The following GUCA2A variants were observed in gnomAD, a reference collection of about 807,000 sequenced individuals.
GUCA2A encodes the protein guanylin.
GUCA2A carries 17 observed loss-of-function variants against 11.2 expected under a neutral mutation model. The observed-to-expected ratio is 1.52, with a 90% CI of 1.04 to 2.28. GUCA2A has a LOEUF of 2.28. Among genes scored for constraint, GUCA2A ranks in the 30% most tolerant of loss-of-function variants. GUCA2A has a pLI of 0.00. For synonymous variants in GUCA2A, 64 were observed against 57.1 expected (o/e 1.12, Z -0.54); for missense variants, 173 against 139.3 (o/e 1.24, Z -1.22).
chr1:42,163,057 C>T, intron 2 of GUCA2A, 87 bp from the exon 3 acceptor site: 1 of 1,042,550 alleles, frequency 9.6e-7, no homozygotes, highest in South Asian at 1.3e-5. Context: ...TACGTCACCA[C>T]CCAGCCCCAG....
chr1:42,164,569 C>G (rs547258989), intron 1 of GUCA2A, 69 bp downstream of exon 1: 8 of 903,770 alleles, frequency 8.9e-6, no homozygotes, highest in Non-Finnish European at 1.4e-5. Flanking sequence ...GAGGTACTCT[C>G]TCAGGGGACC....
Position 42,163,580 on chromosome 1 carries a change from C to G in GUCA2A, c.106G>C (p.Val36Leu), listed in dbSNP as rs1025010133. ...TCCTGGAGGTCTTTGAGCTTCTTCA[C>G]TGACTCCAGAGAAAAGGAGAAATTT... Reference protein sequence around the residue: ...DGNFSFSLESVKKLKDLQEPQ... With the variant: ...DGNFSFSLESLKKLKDLQEPQ... The change falls in exon 2 of 3, where the codon GTG becomes CTG. Residue 36 changes from valine (V) to leucine (L), a missense_variant. Val to Leu is a conservative substitution (Grantham distance 32). Transcript: ENST00000357001. The G allele has an allele frequency of 3.7e-6, 6 of 1,613,224 alleles. No homozygotes were observed. The highest frequency in any genetic ancestry group is 4.5e-5 in the East Asian group (2 of 44,880).
At chr1:42,163,274 A>T in intron 2 of GUCA2A, 129 bp downstream of exon 2, 1 of 664,816 alleles carries the variant, frequency 1.5e-6, no homozygotes. Flanking sequence ...ATCAGAGCCA[A>T]GCTCCCTAGT....
In GUCA2A at chr1:42,163,521, G is replaced by C. The variant is rs2232221; in HGVS notation, c.165C>G (p.Asn55Lys). The C allele has an allele frequency of 2.5e-6, 4 of 1,613,434 alleles. No homozygotes were observed. The highest frequency in any genetic ancestry group is 2.2e-5 in the East Asian group (1 of 44,866). ...CAGGTTCACCAGGGATGGGTGCAAA[G>C]TTCCTGAGTTTCCCAACCCTGGGCT... ...PQEPRVGKLR[N>K]FAPIPGEPVV... The change falls in exon 2 of 3, where the codon AAC becomes AAG. Residue 55 changes from asparagine to lysine, a missense_variant. Transcript: ENST00000357001.
chr1:42,162,868 C>T lies in GUCA2A; in HGVS notation c.*38G>A, dbSNP rs1646135101. ...CCTTTCTGCAGGAGAAAAGAGCTTC[C>T]CTGCTGCGGAGGGGAGGCAGGCAGT... On this transcript the variant is annotated 3_prime_UTR_variant, in exon 3 of 3. Transcript: ENST00000357001. 6.5e-7 allele frequency: 1 copy of T among 1,545,020 alleles called. No individual in the cohort carries two copies. The highest frequency in any genetic ancestry group is 8.9e-7 in the Non-Finnish European group (1 of 1,117,524).
At position 42,162,926 on chromosome 1, in the gene GUCA2A, C is replaced by T. The variant is rs572205991; in HGVS notation, c.328G>A (p.Ala110Thr). The T allele has an allele frequency of 1.4e-5, 23 of 1,613,528 alleles. No homozygotes were observed. Among genetic ancestry groups the T allele is most frequent in the South Asian group, 7.7e-5 (7 of 91,070 alleles). ...DPGTCEICAY[A>T]ACTGC Reference sequence around the variant, plus strand: ...CCCCCCTAGCATCCGGTACAGGCAGCGTAGGCACAGATTTCACATGTGCCC... The same window carrying T: ...CCCCCCTAGCATCCGGTACAGGCAGTGTAGGCACAGATTTCACATGTGCCC... Residue 110 changes from alanine (A) to threonine (T), a missense_variant, in exon 3 of 3, where the codon GCT becomes ACT. By Grantham distance (58) the Ala-to-Thr change is moderately conservative. Transcript: ENST00000357001.
Position 42,162,972 on chromosome 1 carries a change from T to C in GUCA2A, c.284-2A>G. The C allele has an allele frequency of 1.2e-6, 2 of 1,612,704 alleles. No homozygotes were observed. The highest frequency in any genetic ancestry group is 1.7e-6 in the Non-Finnish European group (2 of 1,178,782). On this transcript the variant is annotated splice_acceptor_variant, in intron 2 of 2. Coordinates refer to ENST00000357001, the MANE Select transcript of GUCA2A (RefSeq NM_033553.3). LOFTEE classifies it high-confidence loss of function. ...TGCCCGGGTCCTCAGCGATTTCCTC[T>C]GCACAACAGAGATGGAGCCTCGTGA...
rs1198932817 is a variant in GUCA2A, at chr1:42,163,503, A to T, written c.183T>A (p.Gly61=). 1 of 1,613,594 alleles carries T rather than the reference A, an allele frequency of 6.2e-7. No homozygotes were observed. The change falls in exon 2 of 3, where the codon GGT becomes GGA. Residue 61 remains glycine, a synonymous_variant. Transcript: ENST00000357001. ...GKLRNFAPIP[G]EPVVPILCSN... ...TACAGAGGATGGGAACCACAGGTTCACCAGGGATGGGTGCAAAGTTCCTGA... is the reference window on the plus strand; with the variant it reads ...TACAGAGGATGGGAACCACAGGTTCTCCAGGGATGGGTGCAAAGTTCCTGA...
At position 42,162,875 on chromosome 1, in the gene GUCA2A, C is replaced by A; in HGVS notation, c.*31G>T. ...GCAGGAGAAAAGAGCTTCCCTGCTG[C>A]GGAGGGGAGGCAGGCAGTGGGCAAG... On this transcript the variant is annotated 3_prime_UTR_variant, in exon 3 of 3. Coordinates refer to ENST00000357001, the MANE Select transcript of GUCA2A (RefSeq NM_033553.3). 5 of 1,572,238 alleles carry A rather than the reference C, an allele frequency of 3.2e-6. 1 individual carries two copies. Among genetic ancestry groups the A allele is most frequent in the East Asian group, 2.2e-5 (1 of 44,696 alleles).
intron 1 of GUCA2A, among the ~76,000 whole-genome samples, 186 bp from the exon 2 acceptor site, chr1:42,163,796 G>A (rs1178053377): frequency 1.3e-5 from 2 of 152,216 alleles, no homozygotes; most frequent in South Asian, 4.1e-4. Context: ...GCTTGGCTCC[G>A]TGATGCTGGA....
chr1:42,164,456 C>T (rs1646143760), intron 1 of GUCA2A, among the ~76,000 whole-genome samples, 182 bp downstream of exon 1: 1 of 152,228 alleles, frequency 6.6e-6, no homozygotes, highest in Admixed American at 6.5e-5. Flanking sequence ...GTTTCTTTCT[C>T]CTCCAAAGTT....
intron 2 of GUCA2A, 79 bp from the exon 3 acceptor site, chr1:42,163,049 C>A: frequency 1.8e-6 from 2 of 1,100,256 alleles, no homozygotes; most frequent in Non-Finnish European, 2.8e-6. Context: ...AGAGCTTGTA[C>A]GTCACCACCC....
Position 42,162,806 on chromosome 1 carries a change from T to C in GUCA2A, c.*100A>G. 1 of 950,524 alleles carries C rather than the reference T, an allele frequency of 1.1e-6. No homozygotes were observed. The highest frequency in any genetic ancestry group is 1.3e-5 in the South Asian group (1 of 74,634). 58.9% of individuals were successfully genotyped at this position (950,524 alleles called of 1,614,324 possible). The stretch of plus-strand genomic sequence containing the variant: ...GCTGCTCCTCCCGACTGGACCAGGG[T>C]AGGTTGAGCTGCTGGGAGTGGAGTA... On this transcript the variant is annotated 3_prime_UTR_variant, in exon 3 of 3. Transcript: ENST00000357001.
chr1:42,164,683 G>C lies in GUCA2A; in HGVS notation c.30C>G (p.Cys10Trp), dbSNP rs140314264. ...CCAAGGCGGCCCAGGCCCCAAGGAG[G>C]CACAGTGCGGAGAGCAGGAAGGCAT... MNAFLLSAL[C>W]LLGAWAALAG... is the part of the protein sequence containing the mutation. Residue 10 changes from cysteine (C) to tryptophan (W), a missense_variant, in exon 1 of 3, where the codon TGC (cysteine) becomes TGG (tryptophan). By Grantham distance (215) the Cys-to-Trp change is radical. Coordinates refer to ENST00000357001, the MANE Select transcript of GUCA2A (RefSeq NM_033553.3). The C allele has an allele frequency of 2.6e-6, 4 of 1,551,524 alleles. No individual in the cohort carries two copies. The highest frequency in any genetic ancestry group is 3.5e-6 in the Non-Finnish European group (4 of 1,146,638).
At position 42,163,466 on chromosome 1, in the gene GUCA2A, A is replaced by G. The variant is rs1217759074; in HGVS notation, c.220T>C (p.Phe74Leu). The G allele has an allele frequency of 6.2e-7, 1 of 1,613,934 alleles. No individual in the cohort carries two copies. The highest frequency in any genetic ancestry group is 1.7e-5 in the Admixed American group (1 of 60,006). The change falls in exon 2 of 3, where the codon TTT becomes CTT. Residue 74 changes from phenylalanine (F) to leucine (L), a missense_variant. Phe to Leu is a conservative substitution (Grantham distance 22, BLOSUM62 0). Coordinates refer to ENST00000357001, the MANE Select transcript of GUCA2A (RefSeq NM_033553.3). ...CAGAGAGGCTTGAGTTCTTCTGGAA[A>G]GTTCGGGTTGCTACAGAGGATGGGA... ...VVPILCSNPNFPEELKPLCKE... is the reference protein window; with the variant it reads ...VVPILCSNPNLPEELKPLCKE...
chr1:42,163,944 G>C (rs1363233712), intron 1 of GUCA2A, among the ~76,000 whole-genome samples: 1 of 152,252 alleles, frequency 6.6e-6, no homozygotes. Context: ...CCAGCACCCA[G>C]GCATCGTAGT....
intron 2 of GUCA2A, 68 bp downstream of exon 2, chr1:42,163,335 A>T (rs1646137822): frequency 9.8e-7 from 1 of 1,015,782 alleles, no homozygotes. Context: ...ATCAGAGCAC[A>T]TCTCTTCCTC....
At position 42,163,617 on chromosome 1, in the gene GUCA2A, G is replaced by T; in HGVS notation, c.76-7C>A. Reference sequence around the variant, plus strand: ...AAAAGGAGAAATTTCCATCCTGGAAGAGAGAAGCCCAGAGCATGAGGCCAG... The same window carrying T: ...AAAAGGAGAAATTTCCATCCTGGAATAGAGAAGCCCAGAGCATGAGGCCAG... On this transcript the variant is annotated splice_polypyrimidine_tract_variant and splice_region_variant and intron_variant, in intron 1 of 2. Coordinates refer to ENST00000357001, the MANE Select transcript of GUCA2A (RefSeq NM_033553.3). 1 of 1,598,566 alleles carries T rather than the reference G, an allele frequency of 6.3e-7. No individual in the cohort carries two copies.
intron 2 of GUCA2A, 100 bp downstream of exon 2, chr1:42,163,303 G>C: frequency 1.3e-6 from 1 of 779,282 alleles, no homozygotes; most frequent in Non-Finnish European, 2.1e-6. Context: ...TCAGAGCTGA[G>C]CCCTTCCTCC....
Sources: gnomAD v4.1 joint callset for allele counts (sites outside exome capture counted in the v4.1 genomes callset) on GRCh38, gnomAD v4.1.1 for gene constraint, MANE v1.5 for transcripts, NCBI Gene and HGNC (gene_info 2026-07-23, HGNC 2026-07-21) for gene names.